ARAP2: variants seen among roughly 807,000 people sequenced by gnomAD.
The protein encoded by ARAP2 is ArfGAP with RhoGAP domain, ankyrin repeat and PH domain 2, also known as arf-GAP with Rho-GAP domain, ANK repeat and PH domain-containing protein 2.
Under a neutral mutation model 194.5 loss-of-function variants are expected in ARAP2, and 148 were observed. That is an observed-to-expected ratio of 0.76 (90% CI 0.67 to 0.87). The LOEUF is 0.87. Among genes scored for constraint, ARAP2 ranks in the 40% least tolerant of loss-of-function variants. The pLI, the probability that ARAP2 is intolerant of heterozygous loss-of-function variation, is 0.00. For synonymous variants in ARAP2, 695 were observed against 683.5 expected, an observed-to-expected ratio of 1.02 and a Z score of -0.26; for missense variants, 2,128 against 1,989.7, an observed-to-expected ratio of 1.07 and a Z score of -1.32.
chr4:36,095,708 G>GT (rs1458320948), intron 27 of ARAP2, among the ~76,000 whole-genome samples: 2 of 149,308 alleles, frequency 1.3e-5, no homozygotes, highest in African/African-American at 2.6e-5. Flanking sequence ...ATTTGTATTT[G>GT]TTTTTTATCA....
chr4:36,212,246 G>T (rs780903374), intron 5 of ARAP2, 150 bp downstream of exon 5: 32 of 518,134 alleles, frequency 6.2e-5, no homozygotes, highest in Non-Finnish European at 8.4e-5. Flanking sequence ...TAAAATGGGT[G>T]CTGCTATGCT....
At position 36,107,657 on chromosome 4, in the gene ARAP2, T is replaced by C; in HGVS notation, c.4193A>G (p.Gln1398Arg). Reference protein sequence around the residue: ...PLHYKENVLEQVLRWSSLAEP... With the variant: ...PLHYKENVLERVLRWSSLAEP... ...AGCTAATGAACTCCACCGAAGCACC[T>C]GCTCCAGTACATTTTCCTTGTAGTG... is the stretch of plus-strand genomic sequence containing the variant. Residue 1398 changes from glutamine (Q) to arginine (R), a missense_variant, in exon 27 of 33, where the codon CAG (glutamine) becomes CGG (arginine). Transcript: ENST00000303965. The C allele has an allele frequency of 6.2e-7, 1 of 1,610,342 alleles. No homozygotes were observed. Among genetic ancestry groups the C allele is most frequent in the Non-Finnish European group, 8.5e-7 (1 of 1,177,754 alleles).
intron 5 of ARAP2, chr4:36,045,862 G>GA (rs955388533): frequency 1.3e-5 from 2 of 151,850 alleles, no homozygotes; most frequent in African/African-American, 4.8e-5. Context: ...AATAAATACA[G>GA]AAAAAACTCA....
chr4:36,230,774 G>A (rs1465441924), intron 1 of ARAP2, among the ~76,000 whole-genome samples: 2 of 152,080 alleles, frequency 1.3e-5, no homozygotes, highest in African/African-American at 4.8e-5. Context: ...TTTGATGCAG[G>A]ACTGAAAAAC....
At chr4:36,149,185 CTT>C (rs10616991) in intron 16 of ARAP2, among the ~76,000 whole-genome samples, 1,572 of 152,252 alleles carry the variant, frequency 0.01, 33 homozygotes, top group African/African-American at 0.036. Context: ...CCTTTCTCCT[CTT>C]TTCCACCCCA....
intron 4 of ARAP2, among the ~76,000 whole-genome samples, chr4:36,212,994 T>C (rs1350770829): frequency 6.6e-6 from 1 of 152,020 alleles, no homozygotes; most frequent in East Asian, 1.9e-4. Context: ...ATTAACCCAA[T>C]CTTGTGGCAA....
Position 36,231,336 on chromosome 4 carries a change from A to AAAAT in ARAP2, c.-159-1695_-159-1692dup, listed in dbSNP as rs71653580. On this transcript the variant is annotated intron_variant, in intron 1 of 32. Coordinates refer to ENST00000303965, the MANE Select transcript of ARAP2 (RefSeq NM_015230.4). ...GGAGACAGAGCGAGACTTCATCTCAAAAATAAATAAATAAATAAATAAATA... is the reference window on the plus strand; with the variant it reads ...GGAGACAGAGCGAGACTTCATCTCAAAAATAAATAAATAAATAAATAAATAAATA... 3.1e-3 allele frequency among the ~76,000 whole-genome samples: 468 copies of AAAAT among 151,230 alleles called. 1 individual carries two copies. The highest frequency in any genetic ancestry group is 4.1e-3 in the Admixed American group (63 of 15,208).
rs1578120720 is a variant in ARAP2, at chr4:36,160,308, G to T, written c.2442+151C>A. On this transcript the variant is annotated intron_variant, in intron 13 of 32. Transcript: ENST00000303965. Reference sequence around the variant, plus strand: ...AATGAATCCTTAAATGAAACAAGGGGGAAACCACTGAAATAATGTCACAAA... The same window carrying T: ...AATGAATCCTTAAATGAAACAAGGGTGAAACCACTGAAATAATGTCACAAA... 3.2e-6 allele frequency: 4 copies of T among 1,232,712 alleles called. No homozygotes were observed. The East Asian group carries it at 1.5e-4, about 46-fold the overall frequency. 76.4% of individuals were successfully genotyped at this position (1,232,712 alleles called of 1,614,324 possible).
intron 27 of ARAP2, among the ~76,000 whole-genome samples, chr4:36,103,185 C>A (rs1160711761): frequency 1.3e-5 from 2 of 151,580 alleles, no homozygotes; most frequent in Admixed American, 1.3e-4. Flanking sequence ...AAATTTAATT[C>A]CATAGCATCT....
At chr4:36,121,671 G>A (rs1028298265) in intron 22 of ARAP2, among the ~76,000 whole-genome samples, 4 of 151,542 alleles carry the variant, frequency 2.6e-5, no homozygotes, top group Non-Finnish European at 5.9e-5. Flanking sequence ...TGACTTGTGG[G>A]GCTGCAGCAT....
At position 36,230,886 on chromosome 4, in the gene ARAP2, C is replaced by T. The variant is rs115837182; in HGVS notation, c.-159-1241G>A. Among the ~76,000 whole-genome samples the T allele has an allele frequency of 3.1e-3, 465 of 152,264 alleles. 2 individuals are homozygous for T. The highest frequency in any genetic ancestry group is 0.01 in the African/African-American group (430 of 41,540). ...TAAAATATCAGCAAGCAGTAACAAA[C>T]AGGTATAGGATAAAAGGGAAAGAGT... On this transcript the variant is annotated intron_variant, in intron 1 of 32. Coordinates refer to ENST00000303965, the MANE Select transcript of ARAP2 (RefSeq NM_015230.4).
At chr4:36,217,429 G>A (rs1402134082) in intron 2 of ARAP2, among the ~76,000 whole-genome samples, 1 of 152,172 alleles carries the variant, frequency 6.6e-6, no homozygotes, top group Non-Finnish European at 1.5e-5. Flanking sequence ...GCTGAGGCAG[G>A]AGAATCTCTT....
chr4:36,080,337 T>A, intron 30 of ARAP2, 58 bp from the exon 31 acceptor site: 1 of 1,382,680 alleles, frequency 7.2e-7, no homozygotes, highest in Admixed American at 1.7e-5. Context: ...TGTTCTCTAG[T>A]GTATCTGCTG....
chr4:36,183,760 G>A lies in ARAP2; in HGVS notation c.1678+3691C>T, dbSNP rs545791712. Among the ~76,000 whole-genome samples, 6 of 152,294 alleles carry A rather than the reference G, an allele frequency of 3.9e-5. No homozygotes were observed. In the South Asian group the frequency reaches 1.2e-3, roughly 32 times the overall value. On this transcript the variant is annotated intron_variant, in intron 8 of 32. Coordinates refer to ENST00000303965, the MANE Select transcript of ARAP2 (RefSeq NM_015230.4). ...CACTTGCAACTAAGAGAAGAACAATGTTTCATTAGGAAATTAGCCGGGGAG... is the reference window on the plus strand; with the variant it reads ...CACTTGCAACTAAGAGAAGAACAATATTTCATTAGGAAATTAGCCGGGGAG...
chr4:36,220,665 CT>C (rs1338961634), intron 2 of ARAP2, among the ~76,000 whole-genome samples: 2 of 151,912 alleles, frequency 1.3e-5, no homozygotes, highest in Non-Finnish European at 2.9e-5. Context: ...ATGCATGTAA[CT>C]GTCCCTGAAG....
chr4:36,022,512 A>G (rs377728935), intron 5 of ARAP2, among the ~76,000 whole-genome samples: 23 of 152,274 alleles, frequency 1.5e-4, no homozygotes, highest in African/African-American at 2.9e-4. Flanking sequence ...ATTAAGGCTG[A>G]TGCAAAAAAG....
intron 8 of ARAP2, among the ~76,000 whole-genome samples, chr4:36,186,065 A>G (rs1360828600): frequency 6.6e-6 from 1 of 152,176 alleles, no homozygotes; most frequent in Non-Finnish European, 1.5e-5. Flanking sequence ...TCTGGCACAT[A>G]TCAGGTATTC....
intron 17 of ARAP2, among the ~76,000 whole-genome samples, 181 bp from the exon 18 acceptor site, chr4:36,147,927 G>C (rs923186705): frequency 6.6e-6 from 1 of 152,112 alleles, no homozygotes; most frequent in Non-Finnish European, 1.5e-5. Flanking sequence ...CAACTATAAT[G>C]CATTTTCAAA....
chr4:36,062,633 A>T (rs962446717), downstream of ARAP2, among the ~76,000 whole-genome samples: 24 of 148,262 alleles, frequency 1.6e-4, 1 homozygote, highest in South Asian at 8.6e-4. Flanking sequence ...TTTGTGTGAG[A>T]GTGTGTGTGT....
Sources: allele counts gnomAD v4.1 joint callset (sites outside exome capture counted in the v4.1 genomes callset), GRCh38; gene constraint gnomAD v4.1.1; transcripts MANE v1.5; gene names NCBI Gene and HGNC (gene_info 2026-07-23, HGNC 2026-07-21).